The following TRPM7 variants were observed in gnomAD, a reference collection of about 807,000 sequenced individuals.
TRPM7 encodes transient receptor potential cation channel subfamily M member 7.
Under a neutral mutation model 229.7 loss-of-function variants are expected in TRPM7, and 134 were observed. The observed-to-expected ratio is 0.58, with a 90% CI of 0.51 to 0.67. TRPM7 has a LOEUF of 0.67. Ranked by LOEUF, TRPM7 falls within the 30% of genes least tolerant of loss-of-function variation. The pLI is 0.00. For missense variants in TRPM7, 1,901 were observed against 2,210.0 expected, an observed-to-expected ratio of 0.86 and a Z score of 2.80; for synonymous variants, 699 against 715.2, an observed-to-expected ratio of 0.98 and a Z score of 0.36.
At position 50,619,840 on chromosome 15, in the gene TRPM7, T is replaced by C. The variant is rs898731013; in HGVS notation, c.1441-42A>G. ...TTACAGCAAACTATTATTTTTCTTC[T>C]AAACTAATTTAAACCTTACAGGATT... On this transcript the variant is annotated intron_variant, in intron 12 of 38. Transcript: ENST00000646667. 7.4e-6 allele frequency: 11 copies of C among 1,485,682 alleles called. No individual in the cohort carries two copies. The Admixed American group carries it at 7.8e-5, about 11-fold the overall frequency. The allele number at this position is 1,485,682 out of a possible 1,614,324, so 92.0% of individuals were successfully genotyped here.
chr15:50,613,683 A>G lies in TRPM7; in HGVS notation c.1770+24T>C, dbSNP rs572407951. 168 of 1,485,542 alleles carry G rather than the reference A, an allele frequency of 1.1e-4. 2 individuals carry two copies. In the South Asian group the frequency reaches 1.8e-3, roughly 16 times the overall value. The allele number at this position is 1,485,542 out of a possible 1,614,324, so 92.0% of individuals were successfully genotyped here. The stretch of plus-strand genomic sequence containing the variant: ...GAAAGAAGAAAATAAAAACCCAGAA[A>G]GAATAATATTTAAATAAATTTACCT... On this transcript the variant is annotated intron_variant, in intron 15 of 38. Transcript: ENST00000646667.
At chr15:50,625,431 G>GT (rs976750653) in intron 11 of TRPM7, among the ~76,000 whole-genome samples, 2 of 151,966 alleles carry the variant, frequency 1.3e-5, no homozygotes, top group African/African-American at 4.8e-5. Context: ...TATACTTTCT[G>GT]TTTTTTTGAG....
chr15:50,639,567 T>C lies in TRPM7; in HGVS notation c.536-19A>G, dbSNP rs1399468244. The C allele has an allele frequency of 1.3e-6, 2 of 1,598,812 alleles. No homozygotes were observed. Among genetic ancestry groups the C allele is most frequent in the African/African-American group, 1.4e-5 (1 of 74,030 alleles). On this transcript the variant is annotated intron_variant, in intron 5 of 38. Transcript: ENST00000646667. ...GCCACACCTGTTCATAAAAAAAGTTTATTCATTTTGTTTTTTTTATTTTCT... is the reference window on the plus strand; with the variant it reads ...GCCACACCTGTTCATAAAAAAAGTTCATTCATTTTGTTTTTTTTATTTTCT...
intron 10 of TRPM7, 87 bp downstream of exon 10, chr15:50,631,330 A>G: frequency 1.7e-6 from 1 of 597,394 alleles, no homozygotes; most frequent in East Asian, 3.1e-5. Flanking sequence ...TTTATATTTT[A>G]TATACATACA....
At chr15:50,653,048 A>C (rs1278124235) in intron 3 of TRPM7, among the ~76,000 whole-genome samples, 1 of 152,136 alleles carries the variant, frequency 6.6e-6, no homozygotes, top group Non-Finnish European at 1.5e-5. Context: ...TTACTTGGGA[A>C]GCTAAAGGGA....
At chr15:50,564,367 T>C (rs976973633) in intron 38 of TRPM7, among the ~76,000 whole-genome samples, 3 of 151,638 alleles carry the variant, frequency 2.0e-5, no homozygotes, top group Non-Finnish European at 4.4e-5. Context: ...TTGGGAAATA[T>C]GTCAAGTCTT....
chr15:50,635,678 A>C (rs1035270953), intron 7 of TRPM7, among the ~76,000 whole-genome samples: 1 of 109,852 alleles, frequency 9.1e-6, no homozygotes, highest in African/African-American at 3.8e-5. Context: ...AAAAAAAAAA[A>C]AAAAAAAAAA....
Position 50,593,647 on chromosome 15 carries a change from C to T in TRPM7, c.3578G>A (p.Ser1193Asn), listed in dbSNP as rs368153984. 44 of 1,611,916 alleles carry T rather than the reference C, an allele frequency of 2.7e-5. No individual in the cohort carries two copies. The highest frequency in any genetic ancestry group is 3.6e-5 in the Non-Finnish European group (43 of 1,179,428). ...NEKDDKFHSG[S>N]EERIRVTFER... The stretch of plus-strand genomic sequence containing the variant: ...AAAAGTGACACGAATTCTCTCTTCA[C>T]TCCCAGAATGAAATTTGTCATCTTT... The change falls in exon 25 of 39, where the codon AGT (serine) becomes AAT (asparagine). Residue 1193 changes from serine to asparagine, a missense_variant. By Grantham distance (46) the Ser-to-Asn change is conservative. Around this residue, in one of 8 missense-constraint regions of TRPM7, gnomAD observed 533 missense variants for 497.1 expected, o/e 1.07. Transcript: ENST00000646667.
intron 13 of TRPM7, among the ~76,000 whole-genome samples, chr15:50,616,335 T>G (rs2060221290): frequency 6.6e-6 from 1 of 152,332 alleles, no homozygotes; most frequent in East Asian, 1.9e-4. Context: ...GTAACAACAA[T>G]GTATACAAAT....
intron 27 of TRPM7, chr15:50,588,245 C>G: frequency 1.0e-6 from 1 of 984,912 alleles, no homozygotes; most frequent in Non-Finnish European, 1.2e-6. Flanking sequence ...CATCATTCTG[C>G]TGCTCCTATT....
At chr15:50,644,711 T>C (rs4775896) in intron 4 of TRPM7, among the ~76,000 whole-genome samples, 71,479 of 149,800 alleles carry the variant, frequency 0.48, 17,537 homozygotes, top group Admixed American at 0.56. Context: ...GCAAGAGAAT[T>C]GCTTGAACCC....
At chr15:50,641,505 T>C (rs907289112) in intron 5 of TRPM7, among the ~76,000 whole-genome samples, 1 of 152,184 alleles carries the variant, frequency 6.6e-6, no homozygotes, top group South Asian at 2.1e-4. Flanking sequence ...ATAGCAGCCC[T>C]TCCATCATCC....
intron 1 of TRPM7, among the ~76,000 whole-genome samples, chr15:50,675,229 G>A (rs894893363): frequency 1.6e-4 from 25 of 152,000 alleles, no homozygotes; most frequent in African/African-American, 6.0e-4. Flanking sequence ...TGTAACCTCA[G>A]CTACTCAGAA....
At chr15:50,658,684 C>T (rs1328288427) in intron 2 of TRPM7, among the ~76,000 whole-genome samples, 2 of 152,028 alleles carry the variant, frequency 1.3e-5, no homozygotes, top group Non-Finnish European at 2.9e-5. Flanking sequence ...CAATACCCAT[C>T]AAAATAAAAA....
chr15:50,574,425 C>T lies in TRPM7; in HGVS notation c.5157G>A (p.Val1719=), dbSNP rs2054039956. 6.2e-7 allele frequency: 1 copy of T among 1,613,902 alleles called. No homozygotes were observed. The highest frequency in any genetic ancestry group is 8.5e-7 in the Non-Finnish European group (1 of 1,179,980). ...TAAATTCTCCAGTCATACATTCTTC[C>T]ACAGCAAACCACTGTCCTGCTGAAT... is the stretch of plus-strand genomic sequence containing the variant. ...YCHSAGQWFA[V]EECMTGEFRK... The change falls in exon 36 of 39, where the codon GTG becomes GTA. Residue 1719 remains valine, a synonymous_variant. Coordinates refer to ENST00000646667, the MANE Select transcript of TRPM7 (RefSeq NM_017672.6).
At chr15:50,618,494 T>C (rs994509497) in intron 13 of TRPM7, among the ~76,000 whole-genome samples, 1 of 151,756 alleles carries the variant, frequency 6.6e-6, no homozygotes, top group African/African-American at 2.4e-5. Flanking sequence ...GGTGTGAACC[T>C]GGGAGGTGGA....
chr15:50,657,651 A>G (rs1302087480), intron 3 of TRPM7, 130 bp downstream of exon 3: 8 of 761,432 alleles, frequency 1.1e-5, no homozygotes, highest in Non-Finnish European at 1.7e-5. Context: ...TCACCTTCCA[A>G]GTCTAGGTAA....
At chr15:50,581,393 G>T (rs1440889667) in intron 29 of TRPM7, among the ~76,000 whole-genome samples, 1 of 152,022 alleles carries the variant, frequency 6.6e-6, no homozygotes, top group African/African-American at 2.4e-5. Context: ...CAGCTACTTG[G>T]GAGGCTGAGG....
chr15:50,686,747 G>A lies in TRPM7; in HGVS notation c.-214C>T, dbSNP rs960453358. The A allele has an allele frequency of 7.0e-6, 4 of 569,742 alleles. No individual in the cohort carries two copies. The highest frequency in any genetic ancestry group is 4.0e-5 in the Admixed American group (1 of 25,144). 35.3% of individuals were successfully genotyped at this position (569,742 alleles called of 1,614,324 possible). ...GTGCGACCAACTCCTCCGGGTGACT[G>A]GCCACAGGGACGCGCCCGCGCCCGC... On this transcript the variant is annotated 5_prime_UTR_variant, in exon 1 of 39. Coordinates refer to ENST00000646667, the MANE Select transcript of TRPM7 (RefSeq NM_017672.6).
Sources: gnomAD v4.1 joint callset for allele counts (sites outside exome capture counted in the v4.1 genomes callset) on GRCh38, gnomAD v4.1.1 for gene constraint, gnomAD v4.1.1 regional missense constraint, MANE v1.5 for transcripts, NCBI Gene and HGNC (gene_info 2026-07-23, HGNC 2026-07-21) for gene names.